TRMT9B: variants seen among roughly 807,000 people sequenced by gnomAD.
TRMT9B encodes the protein tRNA methyltransferase 9B (putative).
TRMT9B carries 16 observed loss-of-function variants against 11.5 expected under a neutral mutation model. The ratio of observed to expected loss-of-function variants is 1.39; its 90% CI spans 0.94 to 2.11. TRMT9B has a LOEUF of 2.11. Ranked by LOEUF, TRMT9B falls within the 30% of genes most tolerant of loss-of-function variation. The probability of loss-of-function intolerance (pLI) is 0.00; values close to 1 mark genes in which losing one functional copy is unlikely to be tolerated. For missense variants in TRMT9B, 941 were observed against 553.8 expected (o/e 1.70, Z -7.02); for synonymous variants, 274 against 192.4 (o/e 1.42, Z -3.51).
Position 13,021,983 on chromosome 8 carries a change from G to A in TRMT9B, c.1304G>A (p.Ser435Asn), listed in dbSNP as rs1470933247. ...KENVSELRIL[S>N]SGNDHGNWCI... is the part of the protein sequence containing the mutation. Reference sequence around the variant, plus strand: ...AATGTGTCAGAGCTCCGTATCCTGAGTTCTGGGAATGATCATGGTAACTGG... The same window carrying A: ...AATGTGTCAGAGCTCCGTATCCTGAATTCTGGGAATGATCATGGTAACTGG... Residue 435 changes from serine (S) to asparagine (N), a missense_variant, in exon 5 of 5, where the codon AGT becomes AAT. Physicochemically the swap from Ser to Asn is conservative, Grantham distance 46 (BLOSUM62 1). Transcript: ENST00000524591. The A allele has an allele frequency of 6.2e-7, 1 of 1,612,814 alleles. No individual in the cohort carries two copies.
At chr8:12,997,332 T>G (rs1808548673) in intron 2 of TRMT9B, among the ~76,000 whole-genome samples, 1 of 152,102 alleles carries the variant, frequency 6.6e-6, no homozygotes, top group Admixed American at 6.6e-5. Flanking sequence ...CTCCCCTCTC[T>G]CTTGCTCCCT....
chr8:12,966,032 G>A (rs974510317), intron 1 of TRMT9B, among the ~76,000 whole-genome samples: 1 of 150,514 alleles, frequency 6.6e-6, no homozygotes, highest in African/African-American at 2.4e-5. Context: ...AAAAAAAAAA[G>A]AAGCACTCCA....
At chr8:12,959,644 C>G (rs1012757955) in intron 1 of TRMT9B, among the ~76,000 whole-genome samples, 1 of 151,054 alleles carries the variant, frequency 6.6e-6, no homozygotes, top group African/African-American at 2.4e-5. Flanking sequence ...CTCAGCCGCC[C>G]AAGTAGCCGG....
chr8:12,971,391 C>T (rs1430163868), intron 1 of TRMT9B, among the ~76,000 whole-genome samples: 1 of 152,104 alleles, frequency 6.6e-6, no homozygotes, highest in Non-Finnish European at 1.5e-5. Context: ...TCAGGGTTCT[C>T]CCGGTACAGC....
intron 1 of TRMT9B, among the ~76,000 whole-genome samples, chr8:12,968,491 A>G (rs560364374): frequency 1.2e-4 from 18 of 152,360 alleles, no homozygotes; most frequent in African/African-American, 1.7e-4. Context: ...ATAGTTTTAA[A>G]TAAATTACCA....
intron 1 of TRMT9B, among the ~76,000 whole-genome samples, chr8:12,979,029 G>C (rs758958701): frequency 3.9e-5 from 6 of 152,164 alleles, no homozygotes; most frequent in Non-Finnish European, 7.3e-5. Flanking sequence ...GAACATGCAG[G>C]AAAGTGGCCA....
chr8:12,953,384 C>T (rs1028753105), intron 1 of TRMT9B, among the ~76,000 whole-genome samples: 11 of 152,178 alleles, frequency 7.2e-5, no homozygotes, highest in African/African-American at 2.7e-4. Context: ...GAGCCTCACT[C>T]TATCGCCTAG....
At position 13,016,334 on chromosome 8, in the gene TRMT9B, ATT is replaced by A. The variant is rs1280625239; in HGVS notation, c.328+3479_328+3480del. On this transcript the variant is annotated intron_variant, in intron 4 of 4. Coordinates refer to ENST00000524591, the MANE Select transcript of TRMT9B (RefSeq NM_020844.3). ...GGCATAAGAGAGATAGTCTATTGAA[ATT>A]TCTCTTATATGACATATATAAGGAC... Among the ~76,000 whole-genome samples, 10 of 146,202 alleles carry A rather than the reference ATT, an allele frequency of 6.8e-5. No homozygotes were observed. In the Admixed American group the frequency reaches 7.0e-4, roughly 10 times the overall value.
At chr8:12,970,822 C>T (rs1803500714) in intron 1 of TRMT9B, among the ~76,000 whole-genome samples, 1 of 152,146 alleles carries the variant, frequency 6.6e-6, no homozygotes, top group Admixed American at 6.6e-5. Flanking sequence ...TACAGGGTAA[C>T]ACGTTTGGGA....
chr8:13,023,469 T>C lies in TRMT9B; in HGVS notation c.*1425T>C, dbSNP rs1814265017. 6.0e-6 allele frequency: 1 copy of C among 167,112 alleles called. No homozygotes were observed. Among genetic ancestry groups the C allele is most frequent in the Non-Finnish European group, 1.5e-5 (1 of 68,126 alleles). The allele number at this position is 167,112 out of a possible 1,614,324, so 10.4% of individuals were successfully genotyped here. On this transcript the variant is annotated 3_prime_UTR_variant, in exon 5 of 5. Coordinates refer to ENST00000524591, the MANE Select transcript of TRMT9B (RefSeq NM_020844.3). ...ATTACAGGTTGAATTTCTGTCACTT[T>C]GTAGAGAAACGAATAGACTGGACAC...
intron 1 of TRMT9B, among the ~76,000 whole-genome samples, chr8:12,956,823 C>T (rs868694808): frequency 2.0e-5 from 3 of 152,118 alleles, no homozygotes; most frequent in Non-Finnish European, 2.9e-5. Context: ...TTATTTCATA[C>T]CCTGGTGCTT....
chr8:13,008,980 C>T (rs952118264), intron 3 of TRMT9B, among the ~76,000 whole-genome samples: 3 of 152,102 alleles, frequency 2.0e-5, no homozygotes, highest in Non-Finnish European at 2.9e-5. Context: ...CACCGACCTT[C>T]GCCTCCCAAA....
chr8:12,988,507 T>C (rs1427819010), intron 1 of TRMT9B, among the ~76,000 whole-genome samples: 1 of 152,176 alleles, frequency 6.6e-6, no homozygotes, highest in African/African-American at 2.4e-5. Flanking sequence ...CAGTTCAGCA[T>C]GGCTGGGGAG....
chr8:13,004,338 C>G (rs1250090849), intron 2 of TRMT9B, among the ~76,000 whole-genome samples: 1 of 151,878 alleles, frequency 6.6e-6, no homozygotes, highest in Non-Finnish European at 1.5e-5. Context: ...CCAGCTAGGG[C>G]TGCTAAGGGA....
At chr8:12,961,259 C>G (rs1802060823) in intron 1 of TRMT9B, among the ~76,000 whole-genome samples, 1 of 152,112 alleles carries the variant, frequency 6.6e-6, no homozygotes, top group African/African-American at 2.4e-5. Flanking sequence ...CTAATACAGC[C>G]TACGAATGTT....
intron 4 of TRMT9B, among the ~76,000 whole-genome samples, chr8:13,017,129 A>T (rs1355933762): frequency 1.3e-5 from 2 of 151,808 alleles, no homozygotes; most frequent in African/African-American, 2.4e-5. Context: ...TCTCAAAAAA[A>T]CCCCGAATTA....
chr8:12,953,241 A>ATAT (rs34981072), intron 1 of TRMT9B, among the ~76,000 whole-genome samples: 131,899 of 152,016 alleles, frequency 0.87, 57,305 homozygotes, highest in Middle Eastern at 0.91. Flanking sequence ...ATTATTGGTA[A>ATAT]TACAGCTAAC....
At chr8:13,005,300 G>A (rs530541605) in intron 2 of TRMT9B, among the ~76,000 whole-genome samples, 28 of 152,188 alleles carry the variant, frequency 1.8e-4, no homozygotes, top group Non-Finnish European at 3.1e-4. Context: ...AAAGCGTAGC[G>A]GGGAGGTGGG....
intron 1 of TRMT9B, among the ~76,000 whole-genome samples, chr8:12,971,398 C>T (rs927929589): frequency 1.7e-4 from 26 of 152,138 alleles, no homozygotes; most frequent in African/African-American, 6.0e-4. Flanking sequence ...TCTCCCGGTA[C>T]AGCATTTTTT....
Sources: allele counts gnomAD v4.1 joint callset (sites outside exome capture counted in the v4.1 genomes callset), GRCh38; gene constraint gnomAD v4.1.1; transcripts MANE v1.5; gene names NCBI Gene and HGNC (gene_info 2026-07-23, HGNC 2026-07-21).